Variants in AFF3 observed in about 807,000 individuals in gnomAD.
The protein encoded by AFF3 is ALF transcription elongation factor 3.
In AFF3, 32 loss-of-function variants were observed where a neutral mutation model predicts 129.7. That is an observed-to-expected ratio of 0.25 (90% CI 0.19 to 0.33). The LOEUF (loss-of-function observed/expected upper bound fraction) is 0.33. Ranked by LOEUF, AFF3 falls within the 10% of genes least tolerant of loss-of-function variation. The pLI is 1.00. For synonymous variants in AFF3, 644 were observed against 635.4 expected (o/e 1.01, Z -0.20); for missense variants, 1,373 against 1,592.0 (o/e 0.86, Z 2.34).
intron 12 of AFF3, among the ~76,000 whole-genome samples, chr2:99,667,638 A>G (rs1421885333): frequency 1.3e-5 from 2 of 152,202 alleles, no homozygotes; most frequent in Non-Finnish European, 2.9e-5. Flanking sequence ...AAGAAGACAA[A>G]TGATGAGTAT....
chr2:99,893,742 T>C (rs1345346980), intron 7 of AFF3, among the ~76,000 whole-genome samples: 1 of 152,212 alleles, frequency 6.6e-6, no homozygotes, highest in Non-Finnish European at 1.5e-5. Context: ...CAACTAACAC[T>C]ATTTGATTTT....
chr2:99,650,269 A>G (rs1190815668), intron 12 of AFF3, among the ~76,000 whole-genome samples: 2 of 152,154 alleles, frequency 1.3e-5, no homozygotes, highest in Non-Finnish European at 2.9e-5. Context: ...AAGATAATAC[A>G]GTGGGAGGGC....
chr2:99,606,628 G>A (rs1680363009), intron 13 of AFF3, among the ~76,000 whole-genome samples: 1 of 151,968 alleles, frequency 6.6e-6, no homozygotes, highest in Admixed American at 6.6e-5. Flanking sequence ...ATATTTAAAA[G>A]TACTTCAGGA....
intron 4 of AFF3, among the ~76,000 whole-genome samples, chr2:100,044,669 G>A (rs1248887205): frequency 2.6e-5 from 4 of 152,106 alleles, no homozygotes; most frequent in Non-Finnish European, 5.9e-5. Context: ...CCTGGCACTC[G>A]ACTGAGCCTT....
chr2:99,740,099 G>C (rs932052648), intron 10 of AFF3, among the ~76,000 whole-genome samples: 2 of 151,696 alleles, frequency 1.3e-5, no homozygotes, highest in Non-Finnish European at 2.9e-5. Flanking sequence ...TACTGAGAAT[G>C]ATGAGTTCCA....
Position 99,550,751 on chromosome 2 carries a change from T to G in AFF3, c.*723A>C, listed in dbSNP as rs1674348997. 4.3e-6 allele frequency: 1 copy of G among 233,240 alleles called. No homozygotes were observed. The highest frequency in any genetic ancestry group is 2.2e-5 in the African/African-American group (1 of 45,308). The allele number at this position is 233,240 out of a possible 1,614,324, so 14.4% of individuals were successfully genotyped here. Reference sequence around the variant, plus strand: ...AATCTCAGTGCCATTTGCATACTACTTGGAGGTGGGGCTGGGAAGGGCTGT... The same window carrying G: ...AATCTCAGTGCCATTTGCATACTACGTGGAGGTGGGGCTGGGAAGGGCTGT... On this transcript the variant is annotated 3_prime_UTR_variant, in exon 25 of 25. Coordinates refer to ENST00000672756, the MANE Select transcript of AFF3 (RefSeq NM_001386135.1).
At chr2:100,009,505 T>TATA (rs1306556349) in intron 4 of AFF3, among the ~76,000 whole-genome samples, 1 of 152,116 alleles carries the variant, frequency 6.6e-6, no homozygotes, top group East Asian at 1.9e-4. Flanking sequence ...TTCCTTCTGA[T>TATA]ATATTTGACA....
intron 7 of AFF3, among the ~76,000 whole-genome samples, chr2:99,872,871 C>A (rs1462263894): frequency 6.6e-6 from 1 of 152,126 alleles, no homozygotes; most frequent in South Asian, 2.1e-4. Context: ...TTGTCAAACT[C>A]CTGGTGGCAG....
At chr2:99,582,126 A>T (rs1219724269) in intron 17 of AFF3, among the ~76,000 whole-genome samples, 1 of 152,172 alleles carries the variant, frequency 6.6e-6, no homozygotes, top group East Asian at 1.9e-4. Flanking sequence ...AAGTGCTGGG[A>T]TTACAGGCAT....
At chr2:99,845,748 T>C (rs1321082155) in intron 7 of AFF3, among the ~76,000 whole-genome samples, 1 of 152,156 alleles carries the variant, frequency 6.6e-6, no homozygotes. Flanking sequence ...AATCCTCACA[T>C]TACAGGCAAA....
At chr2:99,649,173 T>C (rs1685002149) in intron 13 of AFF3, among the ~76,000 whole-genome samples, 1 of 152,150 alleles carries the variant, frequency 6.6e-6, no homozygotes, top group Non-Finnish European at 1.5e-5. Flanking sequence ...GTCAAGCACG[T>C]GGGACCGTGA....
At chr2:99,652,379 G>A (rs558852081) in intron 12 of AFF3, among the ~76,000 whole-genome samples, 3 of 152,178 alleles carry the variant, frequency 2.0e-5, no homozygotes, top group South Asian at 4.2e-4. Flanking sequence ...CTGGGGCCAG[G>A]GATACTAAAG....
intron 2 of AFF3, among the ~76,000 whole-genome samples, chr2:100,109,668 C>T (rs1042070234): frequency 3.9e-5 from 6 of 152,160 alleles, no homozygotes; most frequent in Non-Finnish European, 7.3e-5. Context: ...CATAACTAAT[C>T]GTATCATTAG....
chr2:99,574,766 G>C (rs1676827445), intron 18 of AFF3, among the ~76,000 whole-genome samples: 1 of 152,158 alleles, frequency 6.6e-6, no homozygotes, highest in South Asian at 2.1e-4. Context: ...GTTACTTTTT[G>C]GATCACTGTA....
At chr2:99,687,323 T>C (rs1375961793) in intron 11 of AFF3, among the ~76,000 whole-genome samples, 2 of 152,206 alleles carry the variant, frequency 1.3e-5, no homozygotes, top group African/African-American at 4.8e-5. Flanking sequence ...ATTTGGGTAG[T>C]GTCAGGCTAG....
intron 4 of AFF3, among the ~76,000 whole-genome samples, chr2:100,049,436 T>G (rs1686105804): frequency 6.6e-6 from 1 of 152,234 alleles, no homozygotes; most frequent in African/African-American, 2.4e-5. Flanking sequence ...TAATGAGATG[T>G]GACAACTAAA....
At chr2:99,835,392 C>G (rs1422837696) in intron 8 of AFF3, among the ~76,000 whole-genome samples, 1 of 152,112 alleles carries the variant, frequency 6.6e-6, no homozygotes, top group Non-Finnish European at 1.5e-5. Flanking sequence ...CACAGATACA[C>G]AATAAATACT....
chr2:100,133,255 C>A (rs1692499062), intron 1 of AFF3, among the ~76,000 whole-genome samples: 2 of 151,780 alleles, frequency 1.3e-5, no homozygotes, highest in African/African-American at 4.8e-5. Flanking sequence ...CAGAGCCAGA[C>A]CCTGTCTCTA....
intron 7 of AFF3, among the ~76,000 whole-genome samples, chr2:99,956,392 G>A (rs1466869517): frequency 2.6e-5 from 4 of 152,206 alleles, no homozygotes; most frequent in Non-Finnish European, 5.9e-5. Flanking sequence ...AAATGGAACT[G>A]TGACGGACAT....
Sources: gnomAD v4.1 joint callset for allele counts (sites outside exome capture counted in the v4.1 genomes callset) on GRCh38, gnomAD v4.1.1 for gene constraint, MANE v1.5 for transcripts, NCBI Gene and HGNC (gene_info 2026-07-23, HGNC 2026-07-21) for gene names.